Variants in MRPL35 observed in about 807,000 individuals in gnomAD.
The protein encoded by MRPL35 is large ribosomal subunit protein bL35m.
In MRPL35, 18 loss-of-function variants were observed where a neutral mutation model predicts 21.6. The observed-to-expected ratio is 0.83, with a 90% CI of 0.58 to 1.24. The LOEUF is 1.24. Among genes scored for constraint, MRPL35 ranks in the 50% most tolerant of loss-of-function variants. The probability of loss-of-function intolerance (pLI) is 0.00; values close to 1 mark genes in which losing one functional copy is unlikely to be tolerated. For synonymous variants in MRPL35, 87 were observed against 86.9 expected, an observed-to-expected ratio of 1.00 and a Z score of -0.01; for missense variants, 223 against 223.2, an observed-to-expected ratio of 1.00 and a Z score of 0.01.
At position 86,211,857 on chromosome 2, in the gene MRPL35, A is replaced by G; in HGVS notation, c.*1189A>G. ...TTCAGATTTCATGTTTTCATTTGTA[A>G]GGATAAACTTTTCCCACAAATTTTC... On this transcript the variant is annotated 3_prime_UTR_variant, in exon 4 of 4. Coordinates refer to ENST00000337109, the MANE Select transcript of MRPL35 (RefSeq NM_016622.4). 1.0e-6 allele frequency: 1 copy of G among 985,524 alleles called. No homozygotes were observed. The highest frequency in any genetic ancestry group is 1.2e-6 in the Non-Finnish European group (1 of 829,976). 61.0% of individuals were successfully genotyped at this position (985,524 alleles called of 1,614,324 possible).
intron 1 of MRPL35, among the ~76,000 whole-genome samples, chr2:86,200,411 C>G (rs1319560887): frequency 2.0e-5 from 3 of 152,126 alleles, no homozygotes; most frequent in Non-Finnish European, 4.4e-5. Context: ...AGTGCACTAC[C>G]AGAAGCCTCC....
In MRPL35 at chr2:86,211,334, T is replaced by A; in HGVS notation, c.*666T>A. 1 of 945,924 alleles carries A rather than the reference T, an allele frequency of 1.1e-6. No homozygotes were observed. The highest frequency in any genetic ancestry group is 4.9e-5 in the South Asian group (1 of 20,466). 58.6% of individuals were successfully genotyped at this position (945,924 alleles called of 1,614,324 possible). On this transcript the variant is annotated 3_prime_UTR_variant, in exon 4 of 4. Transcript: ENST00000337109. ...GCTAGTCTCCAATTGCCAAGGGAAT[T>A]TAACTGGGCCAGACTACCTTTTTAT...
At chr2:86,202,932 C>T (rs534127085) in intron 1 of MRPL35, among the ~76,000 whole-genome samples, 2 of 151,796 alleles carry the variant, frequency 1.3e-5, no homozygotes, top group Admixed American at 6.6e-5. Context: ...TCAGGTGATC[C>T]GCCGGGGCCT....
rs1673902208 is a variant in MRPL35, at chr2:86,211,525, T to A, written c.*857T>A. 10 of 985,456 alleles carry A rather than the reference T, an allele frequency of 1.0e-5. No homozygotes were observed. The highest frequency in any genetic ancestry group is 1.2e-5 in the Non-Finnish European group (10 of 829,942). The allele number at this position is 985,456 out of a possible 1,614,324, so 61.0% of individuals were successfully genotyped here. A position where few individuals can be genotyped will look rare whatever the true frequency, so the allele number is the denominator to read the frequency against. On this transcript the variant is annotated 3_prime_UTR_variant, in exon 4 of 4. Transcript: ENST00000337109. ...CACACTTAACATCTAACACACCAGGTTCATTGTGTTCATAACACTTGTCAT... is the reference window on the plus strand; with the variant it reads ...CACACTTAACATCTAACACACCAGGATCATTGTGTTCATAACACTTGTCAT...
At position 86,211,073 on chromosome 2, in the gene MRPL35, C is replaced by G. The variant is rs1673893793; in HGVS notation, c.*405C>G. On this transcript the variant is annotated 3_prime_UTR_variant, in exon 4 of 4. Transcript: ENST00000337109. ...ACCCCATCTCCCACTCAGAAATCAC[C>G]TCCCAGCCTCAGGAAGAGTAGAAAT... 1 of 988,396 alleles carries G rather than the reference C, an allele frequency of 1.0e-6. No individual in the cohort carries two copies. Among genetic ancestry groups the G allele is most frequent in the Non-Finnish European group, 1.2e-6 (1 of 831,982 alleles). The allele number at this position is 988,396 out of a possible 1,614,324, so 61.2% of individuals were successfully genotyped here.
At chr2:86,206,468 A>AAGTTCTGGGATTACAGGGG (rs1673795027) in intron 2 of MRPL35, among the ~76,000 whole-genome samples, 173 bp downstream of exon 2, 2 of 151,984 alleles carry the variant, frequency 1.3e-5, no homozygotes, top group Admixed American at 1.3e-4. Flanking sequence ...AAGTAGCTGG[A>AAGTTCTGGGATTACAGGGG]AAGTTCTGGG....
chr2:86,203,582 T>C (rs1263941396), intron 1 of MRPL35, among the ~76,000 whole-genome samples: 2 of 152,238 alleles, frequency 1.3e-5, no homozygotes, highest in Non-Finnish European at 2.9e-5. Context: ...TTTTAAAAAA[T>C]CTAAAATACT....
At position 86,213,101 on chromosome 2, in the gene MRPL35, G is replaced by C. The variant is rs1673943593; in HGVS notation, c.*2433G>C. ...CCCAAAGTACAGCTAATAAGACCCAGAATCTCAGTCTCACTCCTTGGGATC... is the reference window on the plus strand; with the variant it reads ...CCCAAAGTACAGCTAATAAGACCCACAATCTCAGTCTCACTCCTTGGGATC... On this transcript the variant is annotated 3_prime_UTR_variant, in exon 4 of 4. Transcript: ENST00000337109. 1 of 985,508 alleles carries C rather than the reference G, an allele frequency of 1.0e-6. No individual in the cohort carries two copies. Among genetic ancestry groups the C allele is most frequent in the Non-Finnish European group, 1.2e-6 (1 of 830,054 alleles). 61.0% of individuals were successfully genotyped at this position (985,508 alleles called of 1,614,324 possible). A position where few individuals can be genotyped will look rare whatever the true frequency, so the allele number is the denominator to read the frequency against.
chr2:86,213,536 A>G lies in MRPL35; in HGVS notation c.*2868A>G, dbSNP rs117498941. On this transcript the variant is annotated 3_prime_UTR_variant, in exon 4 of 4. Coordinates refer to ENST00000337109, the MANE Select transcript of MRPL35 (RefSeq NM_016622.4). ...GCTTCCAAGTCTTTGTGGCCACCCA[A>G]TGAAGTTTGAGTCTGCCTGTTCAGA... is the stretch of plus-strand genomic sequence containing the variant. 393 of 1,449,574 alleles carry G rather than the reference A, an allele frequency of 2.7e-4. 2 individuals carry two copies. The East Asian group carries it at 8.9e-3, about 33-fold the overall frequency. 89.8% of individuals were successfully genotyped at this position (1,449,574 alleles called of 1,614,324 possible).
intron 1 of MRPL35, among the ~76,000 whole-genome samples, chr2:86,201,876 T>C (rs1673692294): frequency 6.6e-6 from 1 of 152,188 alleles, no homozygotes; most frequent in African/African-American, 2.4e-5. Flanking sequence ...CATAGGGCCA[T>C]TGTAATTCCC....
Position 86,212,791 on chromosome 2 carries a change from A to G in MRPL35, c.*2123A>G. ...TTGTGGGTAGGAGGGCTTATCATCA[A>G]CACTGATTTTATAATCTGACAATAA... On this transcript the variant is annotated 3_prime_UTR_variant, in exon 4 of 4. Transcript: ENST00000337109. 9.4e-7 allele frequency: 1 copy of G among 1,062,362 alleles called. No individual in the cohort carries two copies. Among genetic ancestry groups the G allele is most frequent in the Non-Finnish European group, 1.1e-6 (1 of 880,800 alleles). 65.8% of individuals were successfully genotyped at this position (1,062,362 alleles called of 1,614,324 possible). A position where few individuals can be genotyped will look rare whatever the true frequency, so the allele number is the denominator to read the frequency against.
rs773053161 is a variant in MRPL35, at chr2:86,207,157, C to A, written c.234-26C>A. 3 of 1,550,676 alleles carry A rather than the reference C, an allele frequency of 1.9e-6. No individual in the cohort carries two copies. In the Admixed American group the frequency reaches 5.9e-5, roughly 31 times the overall value. Reference sequence around the variant, plus strand: ...ATCCTTTAATCAGTCTGATTACAAGCTAAAAATTTTAAAATATATTTTTAG... The same window carrying A: ...ATCCTTTAATCAGTCTGATTACAAGATAAAAATTTTAAAATATATTTTTAG... On this transcript the variant is annotated intron_variant, in intron 2 of 3. Transcript: ENST00000337109.
chr2:86,207,384 C>T (rs746669727), intron 3 of MRPL35, 57 bp downstream of exon 3: 8 of 1,568,402 alleles, frequency 5.1e-6, no homozygotes, highest in Non-Finnish European at 6.9e-6. Flanking sequence ...GGCGTGGTGG[C>T]TCACGCCTAT....
chr2:86,208,381 A>C (rs1673843392), intron 3 of MRPL35, among the ~76,000 whole-genome samples: 1 of 151,610 alleles, frequency 6.6e-6, no homozygotes. Context: ...ATCTTGGCTC[A>C]CTGTGACCTC....
rs139986253 is a variant in MRPL35, at chr2:86,208,300, T to C, written c.378+973T>C. Among the ~76,000 whole-genome samples the C allele has an allele frequency of 2.4e-3, 371 of 151,820 alleles. 4 individuals carry two copies. The highest frequency in any genetic ancestry group is 8.5e-3 in the African/African-American group (354 of 41,438). ...AAACATTTCTTCCCTTTTGTGTGTA[T>C]GTGTTTTTTTTTTTTTCTTTTTTTG... On this transcript the variant is annotated intron_variant, in intron 3 of 3. Transcript: ENST00000337109.
In MRPL35 at chr2:86,212,857, A is replaced by G; in HGVS notation, c.*2189A>G. On this transcript the variant is annotated 3_prime_UTR_variant, in exon 4 of 4. Coordinates refer to ENST00000337109, the MANE Select transcript of MRPL35 (RefSeq NM_016622.4). ...GAGTTTACCTAAATGATGTTCGATT[A>G]TATGTATAATTTATAAAATATTTAT... The G allele has an allele frequency of 1.1e-6, 1 of 918,922 alleles. No individual in the cohort carries two copies. The highest frequency in any genetic ancestry group is 1.3e-6 in the Non-Finnish European group (1 of 768,018). 56.9% of individuals were successfully genotyped at this position (918,922 alleles called of 1,614,324 possible). A position where few individuals can be genotyped will look rare whatever the true frequency, so the allele number is the denominator to read the frequency against.
At position 86,208,839 on chromosome 2, in the gene MRPL35, C is replaced by T. The variant is rs574217794; in HGVS notation, c.378+1512C>T. On this transcript the variant is annotated intron_variant, in intron 3 of 3. Transcript: ENST00000337109. ...CCCTGCCTCTTCAAAATCTAATTTTCAGAGAAAAAAAAAATCTGGGTAGAT... is the reference window on the plus strand; with the variant it reads ...CCCTGCCTCTTCAAAATCTAATTTTTAGAGAAAAAAAAAATCTGGGTAGAT... Among the ~76,000 whole-genome samples, 7 of 151,438 alleles carry T rather than the reference C, an allele frequency of 4.6e-5. No individual in the cohort carries two copies. In the East Asian group the frequency reaches 5.8e-4, roughly 13 times the overall value.
chr2:86,204,080 G>A (rs967363945), intron 1 of MRPL35, among the ~76,000 whole-genome samples: 6 of 151,906 alleles, frequency 3.9e-5, no homozygotes, highest in Admixed American at 3.9e-4. Flanking sequence ...TTCCTCCCAG[G>A]TTCAAGTGAT....
chr2:86,211,182 A>T lies in MRPL35; in HGVS notation c.*514A>T. The T allele has an allele frequency of 2.0e-6, 2 of 982,360 alleles. No individual in the cohort carries two copies. Among genetic ancestry groups the T allele is most frequent in the Non-Finnish European group, 2.4e-6 (2 of 827,278 alleles). 60.9% of individuals were successfully genotyped at this position (982,360 alleles called of 1,614,324 possible). ...TGACTTGCTTCTTTTTGCATTGTTA[A>T]CTCCATTCTCTCTATTCACCAACTT... is the stretch of plus-strand genomic sequence containing the variant. On this transcript the variant is annotated 3_prime_UTR_variant, in exon 4 of 4. Coordinates refer to ENST00000337109, the MANE Select transcript of MRPL35 (RefSeq NM_016622.4).
Sources: allele counts gnomAD v4.1 joint callset (sites outside exome capture counted in the v4.1 genomes callset), GRCh38; gene constraint gnomAD v4.1.1; transcripts MANE v1.5; gene names NCBI Gene and HGNC (gene_info 2026-07-23, HGNC 2026-07-21).